CCBE1: variants seen among roughly 807,000 people sequenced by gnomAD.
CCBE1 encodes the protein collagen and calcium-binding EGF domain-containing protein 1.
A neutral mutation model predicts 50.0 loss-of-function variants in CCBE1; 37 were observed. The observed-to-expected ratio is 0.74, with a 90% CI of 0.57 to 0.97. The LOEUF (loss-of-function observed/expected upper bound fraction) is 0.97. CCBE1 is among the 50% of genes least tolerant of loss of function. The probability of loss-of-function intolerance (pLI) is 0.00; values close to 1 mark genes in which losing one functional copy is unlikely to be tolerated. For synonymous variants in CCBE1, 234 were observed against 203.7 expected (o/e 1.15, Z -1.27); for missense variants, 538 against 523.8 (o/e 1.03, Z -0.26).
At chr18:59,492,288 C>A (rs1019099404) in intron 2 of CCBE1, among the ~76,000 whole-genome samples, 31 of 151,804 alleles carry the variant, frequency 2.0e-4, no homozygotes, top group African/African-American at 7.3e-4. Context: ...ACAACAGCTG[C>A]GTTTTCAGGT....
At chr18:59,503,032 C>G (rs1458090322) in intron 2 of CCBE1, among the ~76,000 whole-genome samples, 1 of 152,238 alleles carries the variant, frequency 6.6e-6, no homozygotes, top group African/African-American at 2.4e-5. Flanking sequence ...GGCATGCAAT[C>G]ACACAAATGT....
chr18:59,683,470 C>A (rs921597467), intron 2 of CCBE1, among the ~76,000 whole-genome samples: 1 of 151,908 alleles, frequency 6.6e-6, no homozygotes, highest in African/African-American at 2.4e-5. Context: ...CTGAGGCAGG[C>A]GGATCACCTG....
intron 2 of CCBE1, among the ~76,000 whole-genome samples, chr18:59,559,367 A>G (rs1406874279): frequency 1.3e-5 from 2 of 152,206 alleles, no homozygotes; most frequent in Non-Finnish European, 2.9e-5. Flanking sequence ...ATAGAGCATA[A>G]GCAGCTCTTG....
chr18:59,545,109 C>T (rs573298332), intron 2 of CCBE1, among the ~76,000 whole-genome samples: 111 of 152,224 alleles, frequency 7.3e-4, no homozygotes, highest in Non-Finnish European at 1.3e-3. Flanking sequence ...CTGAAGAGAG[C>T]CTAGAGGGCA....
chr18:59,521,300 T>C (rs73454408), intron 2 of CCBE1, among the ~76,000 whole-genome samples: 85 of 152,372 alleles, frequency 5.6e-4, no homozygotes, highest in African/African-American at 2.0e-3. Flanking sequence ...TATTTCATGA[T>C]TTCAACACAA....
intron 2 of CCBE1, among the ~76,000 whole-genome samples, chr18:59,550,680 G>A (rs1355410984): frequency 6.6e-6 from 1 of 152,148 alleles, no homozygotes; most frequent in Admixed American, 6.5e-5. Context: ...AACAGCAGGT[G>A]CCATTCTCTG....
At chr18:59,641,604 A>G (rs564254691) in intron 2 of CCBE1, among the ~76,000 whole-genome samples, 1 of 152,234 alleles carries the variant, frequency 6.6e-6, no homozygotes, top group Non-Finnish European at 1.5e-5. Context: ...CCTAAGTTAG[A>G]AATAAAAGTG....
chr18:59,530,827 A>G (rs1411811494), intron 2 of CCBE1, among the ~76,000 whole-genome samples: 1 of 152,254 alleles, frequency 6.6e-6, no homozygotes, highest in African/African-American at 2.4e-5. Context: ...GTTTTCTTAA[A>G]TATCTTATTA....
Position 59,442,008 on chromosome 18 carries a change from G to A in CCBE1, c.776-2192C>T, listed in dbSNP as rs532941563. Among the ~76,000 whole-genome samples, 4 of 152,216 alleles carry A rather than the reference G, an allele frequency of 2.6e-5. No homozygotes were observed. The South Asian group carries it at 8.3e-4, about 32-fold the overall frequency. ...CTTTCTTGCCAAGCATTTTTTCCAT[G>A]ATTGCCTCCTTCCTAATTGCCCCAT... On this transcript the variant is annotated intron_variant, in intron 7 of 10. Coordinates refer to ENST00000439986, the MANE Select transcript of CCBE1 (RefSeq NM_133459.4).
chr18:59,449,489 G>T (rs1159117155), intron 6 of CCBE1, among the ~76,000 whole-genome samples: 1 of 152,086 alleles, frequency 6.6e-6, no homozygotes, highest in African/African-American at 2.4e-5. Flanking sequence ...AGGCATGGTG[G>T]TGCACGCCTG....
At chr18:59,465,985 G>A (rs1181011161) in intron 5 of CCBE1, among the ~76,000 whole-genome samples, 1 of 151,968 alleles carries the variant, frequency 6.6e-6, no homozygotes, top group Non-Finnish European at 1.5e-5. Flanking sequence ...TCTTTAGAAG[G>A]AGTTTGAACT....
At chr18:59,578,607 C>A (rs2053036759) in intron 2 of CCBE1, among the ~76,000 whole-genome samples, 1 of 152,190 alleles carries the variant, frequency 6.6e-6, no homozygotes, top group Non-Finnish European at 1.5e-5. Flanking sequence ...CCGTAGAATA[C>A]TATGCACCCA....
At chr18:59,565,325 A>G (rs982769078) in intron 2 of CCBE1, among the ~76,000 whole-genome samples, 2 of 152,262 alleles carry the variant, frequency 1.3e-5, no homozygotes, top group Admixed American at 6.5e-5. Flanking sequence ...CCAATGGCAC[A>G]GGACTGGGGA....
At chr18:59,544,199 G>C (rs932959050) in intron 2 of CCBE1, among the ~76,000 whole-genome samples, 30 of 152,158 alleles carry the variant, frequency 2.0e-4, no homozygotes, top group Non-Finnish European at 2.4e-4. Flanking sequence ...CAGCCACATA[G>C]TAGGTGATTT....
intron 2 of CCBE1, among the ~76,000 whole-genome samples, chr18:59,526,737 T>G (rs1264066117): frequency 6.6e-6 from 1 of 152,222 alleles, no homozygotes; most frequent in Non-Finnish European, 1.5e-5. Flanking sequence ...TCAAAGAACT[T>G]CTCGATTTCT....
chr18:59,647,391 G>A (rs2054069184), intron 2 of CCBE1, among the ~76,000 whole-genome samples: 1 of 152,170 alleles, frequency 6.6e-6, no homozygotes, highest in South Asian at 2.1e-4. Flanking sequence ...AAAAAGACTG[G>A]AAGGATATGC....
intron 2 of CCBE1, among the ~76,000 whole-genome samples, chr18:59,513,125 T>G (rs1322504229): frequency 6.6e-6 from 1 of 152,062 alleles, no homozygotes; most frequent in African/African-American, 2.4e-5. Context: ...CCAGCCAACA[T>G]GGCAAAACCC....
At chr18:59,528,734 G>T (rs1367374766) in intron 2 of CCBE1, among the ~76,000 whole-genome samples, 1 of 152,138 alleles carries the variant, frequency 6.6e-6, no homozygotes, top group African/African-American at 2.4e-5. Flanking sequence ...GCTGACATTT[G>T]CTGGGGGTTC....
rs181667085 is a variant in CCBE1 at position 59,561,201 on chromosome 18, C to T, written c.213-80963G>A. ...CCAATAGCTGGGCAGTTTATCAAAG[C>T]TCATGTATGTAATGGGCCTGTGTAC... On this transcript the variant is annotated intron_variant, in intron 2 of 10. Coordinates refer to ENST00000439986, the MANE Select transcript of CCBE1 (RefSeq NM_133459.4). 7.9e-5 allele frequency among the ~76,000 whole-genome samples: 12 copies of T among 152,338 alleles called. No homozygotes were observed. In the East Asian group the frequency reaches 1.9e-3, roughly 24 times the overall value.
Sources: allele counts gnomAD v4.1 joint callset (sites outside exome capture counted in the v4.1 genomes callset), GRCh38; gene constraint gnomAD v4.1.1; transcripts MANE v1.5; gene names NCBI Gene and HGNC (gene_info 2026-07-23, HGNC 2026-07-21).